The following ARHGEF18 variants were observed in gnomAD, a reference collection of about 807,000 sequenced individuals.
ARHGEF18 encodes the protein Rho/Rac guanine nucleotide exchange factor 18, also known as rho guanine nucleotide exchange factor 18.
In ARHGEF18, 93 loss-of-function variants were observed where a neutral mutation model predicts 155.7. That is an observed-to-expected ratio of 0.60 (90% CI 0.50 to 0.71). ARHGEF18 has a LOEUF of 0.71. ARHGEF18 is among the 30% of genes least tolerant of loss of function. The probability of loss-of-function intolerance (pLI) is 0.00; values close to 1 mark genes in which losing one functional copy is unlikely to be tolerated. For synonymous variants in ARHGEF18, 742 were observed against 753.1 expected (o/e 0.99, Z 0.24); for missense variants, 1,593 against 1,816.1 (o/e 0.88, Z 2.23).
chr19:7,470,504 C>A lies in ARHGEF18; in HGVS notation c.*206C>A. ...AGGGTTAGCGGTGGTGCCGGGGTCA[C>A]TTTCTGAATCTCTTTTTTTTTTTTT... is the stretch of plus-strand genomic sequence containing the variant. On this transcript the variant is annotated 3_prime_UTR_variant, in exon 29 of 29. Coordinates refer to ENST00000668164, the MANE Select transcript of ARHGEF18 (RefSeq NM_001367823.1). The surrounding 1 kb of genome is among the most constrained non-coding windows in gnomAD (Gnocchi z 5.9). The A allele has an allele frequency of 2.3e-6, 1 of 426,994 alleles. No individual in the cohort carries two copies. Among genetic ancestry groups the A allele is most frequent in the Non-Finnish European group, 3.9e-6 (1 of 254,242 alleles). 26.5% of individuals were successfully genotyped at this position (426,994 alleles called of 1,614,324 possible). A position where few individuals can be genotyped will look rare whatever the true frequency, so the allele number is the denominator to read the frequency against.
rs545308084 is a variant in ARHGEF18 at position 7,395,135 on chromosome 19, G to A, written c.967+11932G>A. 6.3e-4 allele frequency: 617 copies of A among 985,558 alleles called. 3 individuals are homozygous for A. The African/African-American group carries it at 0.01, about 16-fold the overall frequency. 61.1% of individuals were successfully genotyped at this position (985,558 alleles called of 1,614,324 possible). A position where few individuals can be genotyped will look rare whatever the true frequency, so the allele number is the denominator to read the frequency against. On this transcript the variant is annotated intron_variant, in intron 10 of 28. Transcript: ENST00000668164. This position sits in a 1 kb window ranked among gnomAD's most constrained non-coding sequence, Gnocchi z 5.0. ...CTCCTCGCGCGGCTTCCCGCTTCCG[G>A]CTCCCAGCTGCTAGCTACTGTGGAT...
chr19:7,417,147 T>A (rs991080597), intron 10 of ARHGEF18, among the ~76,000 whole-genome samples: 1 of 152,026 alleles, frequency 6.6e-6, no homozygotes, highest in Non-Finnish European at 1.5e-5. Flanking sequence ...TGACCTCAAG[T>A]GATCCACCCG....
At chr19:7,400,909 G>A (rs1971993754) in intron 10 of ARHGEF18, among the ~76,000 whole-genome samples, 1 of 152,164 alleles carries the variant, frequency 6.6e-6, no homozygotes, top group Non-Finnish European at 1.5e-5. Flanking sequence ...TGGGATGGAA[G>A]GAGGGGAGGA....
chr19:7,377,556 G>A (rs1173838286), intron 5 of ARHGEF18, among the ~76,000 whole-genome samples: 1 of 152,038 alleles, frequency 6.6e-6, no homozygotes, highest in Non-Finnish European at 1.5e-5. Context: ...GGCTGAGGCA[G>A]GTGAATAACT....
At chr19:7,461,052 G>T (rs1976219773) in intron 20 of ARHGEF18, among the ~76,000 whole-genome samples, 1 of 151,558 alleles carries the variant, frequency 6.6e-6, no homozygotes, top group African/African-American at 2.4e-5. Context: ...CTCCCAAAGT[G>T]CTGGGATTAC....
intron 10 of ARHGEF18, among the ~76,000 whole-genome samples, chr19:7,437,422 CAAAAA>C (rs200582880): frequency 8.2e-6 from 1 of 122,520 alleles, no homozygotes; most frequent in Non-Finnish European, 1.8e-5. Flanking sequence ...AAATCCGTCT[CAAAAA>C]AAAAAAAAAA....
rs1974876559 is a variant in ARHGEF18, at chr19:7,444,572, G to A, written c.1611+118G>A. Reference sequence around the variant, plus strand: ...GTCGCCCAGGCTGGAGTGCAGTGGTGCAGTCACAGCTCAATGCAGCCTCAA... The same window carrying A: ...GTCGCCCAGGCTGGAGTGCAGTGGTACAGTCACAGCTCAATGCAGCCTCAA... On this transcript the variant is annotated intron_variant, in intron 14 of 28. Transcript: ENST00000668164. This position sits in a 1 kb window ranked among gnomAD's most constrained non-coding sequence, Gnocchi z 4.7. 7 of 1,389,130 alleles carry A rather than the reference G, an allele frequency of 5.0e-6. No homozygotes were observed. In the East Asian group the frequency reaches 1.5e-4, roughly 30 times the overall value. 86.1% of individuals were successfully genotyped at this position (1,389,130 alleles called of 1,614,324 possible).
chr19:7,447,213 G>A (rs757216978), intron 15 of ARHGEF18, 45 bp downstream of exon 15: 77 of 1,536,314 alleles, frequency 5.0e-5, no homozygotes, highest in East Asian at 7.4e-5. Flanking sequence ...TATTCTGGCC[G>A]GGCGCAGTGG....
At chr19:7,365,341 C>T (rs1969837662) in intron 2 of ARHGEF18, among the ~76,000 whole-genome samples, 1 of 152,170 alleles carries the variant, frequency 6.6e-6, no homozygotes, top group African/African-American at 2.4e-5. Context: ...GCAAGAGAAT[C>T]GCTTGAACCC....
In ARHGEF18 at chr19:7,444,550, G is replaced by A. The variant is rs12983399; in HGVS notation, c.1611+96G>A. 339,152 of 1,497,192 alleles carry A rather than the reference G, an allele frequency of 0.23. 39,281 individuals carry two copies. The highest frequency in any genetic ancestry group is 0.25 in the Middle Eastern group (1,426 of 5,682). 92.7% of individuals were successfully genotyped at this position (1,497,192 alleles called of 1,614,324 possible). A position where few individuals can be genotyped will look rare whatever the true frequency, so the allele number is the denominator to read the frequency against. On this transcript the variant is annotated intron_variant, in intron 14 of 28. Coordinates refer to ENST00000668164, the MANE Select transcript of ARHGEF18 (RefSeq NM_001367823.1). The surrounding 1 kb of genome is among the most constrained non-coding windows in gnomAD (Gnocchi z 4.7). The stretch of plus-strand genomic sequence containing the variant: ...TTCTGAGATAGGGTCTTGCCGTGTC[G>A]CCCAGGCTGGAGTGCAGTGGTGCAG...
At position 7,441,933 on chromosome 19, in the gene ARHGEF18, G is replaced by A. The variant is rs1974674499; in HGVS notation, c.1241G>A (p.Arg414Lys). ...TCAGATCCCTACACCGCCTCGCTGA[G>A]GAGTGAGATTGAGTCAGACGGCCAC... ...FVEDPYTASL[R>K]SEIESDGHEF... Residue 414 changes from arginine to lysine, a missense_variant, in exon 13 of 29, where the codon AGG (arginine) becomes AAG (lysine). By Grantham distance (26) the Arg-to-Lys change is conservative. Transcript: ENST00000668164. 6.2e-7 allele frequency: 1 copy of A among 1,613,990 alleles called. No homozygotes were observed. The highest frequency in any genetic ancestry group is 1.3e-5 in the African/African-American group (1 of 74,934).
At chr19:7,406,790 C>G (rs1396594515) in intron 10 of ARHGEF18, among the ~76,000 whole-genome samples, 1 of 152,118 alleles carries the variant, frequency 6.6e-6, no homozygotes, top group Non-Finnish European at 1.5e-5. Flanking sequence ...CACAGTGGCT[C>G]ACGCCTGTAA....
intron 15 of ARHGEF18, 143 bp from the exon 16 acceptor site, chr19:7,451,006 T>C: frequency 1.3e-6 from 1 of 774,122 alleles, no homozygotes; most frequent in Non-Finnish European, 2.2e-6. Context: ...TGCTGTCCAT[T>C]TCCGAGATGT....
At chr19:7,368,646 G>C (rs1357245909) in intron 2 of ARHGEF18, among the ~76,000 whole-genome samples, 1 of 152,176 alleles carries the variant, frequency 6.6e-6, no homozygotes, top group African/African-American at 2.4e-5. Context: ...GAAAGAGGGA[G>C]GCTCAGCCAG....
At chr19:7,358,285 C>T (rs1969406497) in intron 1 of ARHGEF18, among the ~76,000 whole-genome samples, 2 of 151,416 alleles carry the variant, frequency 1.3e-5, no homozygotes, top group South Asian at 4.2e-4. Context: ...ATCCATCCAT[C>T]CATCCATCCA....
In ARHGEF18 at chr19:7,353,305, C is replaced by A. The variant is rs185650659; in HGVS notation, c.-111+4064C>A. Among the ~76,000 whole-genome samples the A allele has an allele frequency of 1.3e-3, 201 of 151,966 alleles. 4 individuals carry two copies. The South Asian group carries it at 0.022, about 16-fold the overall frequency. On this transcript the variant is annotated intron_variant, in intron 1 of 28. Coordinates refer to ENST00000668164, the MANE Select transcript of ARHGEF18 (RefSeq NM_001367823.1). ...CCTGCCATCATTAGAAATACATATT[C>A]CAGCTGGGTGCAGTGGCTCACGCCT...
chr19:7,447,009 G>A (rs1456412429), intron 14 of ARHGEF18, 34 bp from the exon 15 acceptor site: 1 of 1,604,026 alleles, frequency 6.2e-7, no homozygotes. Flanking sequence ...CAGTTTTCGT[G>A]TTTAATTAAC....
At chr19:7,466,836 A>AAAGGAAGGAG (rs112677825) in intron 23 of ARHGEF18, 82 bp from the exon 24 acceptor site, 2 of 1,094,848 alleles carry the variant, frequency 1.8e-6, no homozygotes, top group African/African-American at 1.8e-5. Flanking sequence ...AGTTAAAAAA[A>AAAGGAAGGAG]AAGAAGAAGA....
At position 7,470,910 on chromosome 19, in the gene ARHGEF18, C is replaced by T; in HGVS notation, c.*612C>T. The T allele has an allele frequency of 2.5e-6, 1 of 401,116 alleles. No individual in the cohort carries two copies. Among genetic ancestry groups the T allele is most frequent in the South Asian group, 1.3e-4 (1 of 7,940 alleles). The allele number at this position is 401,116 out of a possible 1,614,324, so 24.8% of individuals were successfully genotyped here. ...GGCACGGGGGCATGGGCAGAGAGGG[C>T]CACGGGGCAGGGCCCACTGAGGGAA... On this transcript the variant is annotated 3_prime_UTR_variant, in exon 29 of 29. Coordinates refer to ENST00000668164, the MANE Select transcript of ARHGEF18 (RefSeq NM_001367823.1). This position sits in a 1 kb window ranked among gnomAD's most constrained non-coding sequence, Gnocchi z 5.9.
Sources: gnomAD v4.1 joint callset for allele counts (sites outside exome capture counted in the v4.1 genomes callset) on GRCh38, gnomAD v4.1.1 for gene constraint, Gnocchi (gnomAD v3.1) non-coding constraint, MANE v1.5 for transcripts, NCBI Gene and HGNC (gene_info 2026-07-23, HGNC 2026-07-21) for gene names.